The following KIF21A variants were observed in gnomAD, a reference collection of about 807,000 sequenced individuals.
KIF21A encodes the protein kinesin family member 21A.
In KIF21A, 114 loss-of-function variants were observed where a neutral mutation model predicts 202.9. The ratio of observed to expected loss-of-function variants is 0.56; its 90% confidence interval spans 0.48 to 0.66. The LOEUF is 0.66. KIF21A is among the 30% of genes least tolerant of loss of function. The pLI is 0.00. For synonymous variants in KIF21A, 667 were observed against 670.8 expected, an observed-to-expected ratio of 0.99 and a Z score of 0.09; for missense variants, 1,677 against 1,994.9, an observed-to-expected ratio of 0.84 and a Z score of 3.04.
Position 39,309,643 on chromosome 12 carries a change from G to A in KIF21A, c.4220C>T (p.Thr1407Ile). 3 of 1,612,868 alleles carry A rather than the reference G, an allele frequency of 1.9e-6. No individual in the cohort carries two copies. The highest frequency in any genetic ancestry group is 1.7e-6 in the Non-Finnish European group (2 of 1,179,478). Reference sequence around the variant, plus strand: ...GATATCCCACACCTTAATATAAGATGTTGATACAGTGAAGACCAAACTGGT... The same window carrying A: ...GATATCCCACACCTTAATATAAGATATTGATACAGTGAAGACCAAACTGGT... ...NYTSLVFTVS[T>I]SYIKVWDIRD... is the part of the protein sequence containing the mutation. Residue 1407 changes from threonine (T) to isoleucine (I), a missense_variant, in exon 33 of 38, where the codon ACA (threonine) becomes ATA (isoleucine). Coordinates refer to ENST00000361418, the MANE Select transcript of KIF21A (RefSeq NM_001173464.2).
intron 15 of KIF21A, 78 bp downstream of exon 15, chr12:39,340,828 T>C: frequency 1.9e-6 from 2 of 1,041,988 alleles, no homozygotes; most frequent in Non-Finnish European, 2.9e-6. Context: ...TTCTATTTTT[T>C]TTCTTCTAAA....
intron 1 of KIF21A, among the ~76,000 whole-genome samples, chr12:39,399,236 A>G (rs1226842272): frequency 1.3e-5 from 2 of 152,220 alleles, no homozygotes; most frequent in Non-Finnish European, 2.9e-5. Context: ...TTTATATTGT[A>G]TTTTGTATTA....
chr12:39,340,469 C>G, intron 15 of KIF21A, 105 bp from the exon 16 acceptor site: 3 of 814,450 alleles, frequency 3.7e-6, no homozygotes, highest in Non-Finnish European at 4.0e-6. Flanking sequence ...TCCCAAACAC[C>G]CACATCTCAG....
intron 1 of KIF21A, among the ~76,000 whole-genome samples, chr12:39,415,146 A>C (rs985296695): frequency 2.0e-5 from 3 of 151,246 alleles, no homozygotes; most frequent in African/African-American, 7.3e-5. Flanking sequence ...CCTTTCCTTA[A>C]GTCAGTTTTT....
intron 1 of KIF21A, among the ~76,000 whole-genome samples, chr12:39,405,549 T>C (rs1952513993): frequency 6.6e-6 from 1 of 152,170 alleles, no homozygotes; most frequent in Admixed American, 6.5e-5. Flanking sequence ...AAAACTACAG[T>C]GCAGGAAATA....
Position 39,300,686 on chromosome 12 carries a change from C to T in KIF21A, c.4931+794G>A, listed in dbSNP as rs369725046. On this transcript the variant is annotated intron_variant, in intron 37 of 37. Coordinates refer to ENST00000361418, the MANE Select transcript of KIF21A (RefSeq NM_001173464.2). The stretch of plus-strand genomic sequence containing the variant: ...TACATACACTTTCCTTTTCAAAGTA[C>T]ATATATATATGTACTATATATAATG... Among the ~76,000 whole-genome samples, 482 of 152,084 alleles carry T rather than the reference C, an allele frequency of 3.2e-3. 2 individuals carry two copies. Among genetic ancestry groups the T allele is most frequent in the Middle Eastern group, 6.8e-3 (2 of 294 alleles).
intron 1 of KIF21A, among the ~76,000 whole-genome samples, chr12:39,379,546 C>T (rs1950480265): frequency 6.6e-6 from 1 of 152,192 alleles, no homozygotes; most frequent in African/African-American, 2.4e-5. Context: ...CCATCTTCAA[C>T]TTACCCTGTA....
chr12:39,355,710 TA>T (rs1948726180), intron 10 of KIF21A, among the ~76,000 whole-genome samples: 3 of 72,200 alleles, frequency 4.2e-5, no homozygotes, highest in East Asian at 1.5e-3. Context: ...TGAACAATTA[TA>T]TATATATATA....
At chr12:39,314,900 A>G (rs1944378719) in intron 31 of KIF21A, among the ~76,000 whole-genome samples, 1 of 151,872 alleles carries the variant, frequency 6.6e-6, no homozygotes, top group Non-Finnish European at 1.5e-5. Context: ...AAAAAATCTC[A>G]ATATTAAACA....
Position 39,340,374 on chromosome 12 carries a change from C to T in KIF21A, c.2111-10G>A. The T allele has an allele frequency of 6.3e-7, 1 of 1,588,594 alleles. No individual in the cohort carries two copies. The highest frequency in any genetic ancestry group is 8.6e-7 in the Non-Finnish European group (1 of 1,162,352). On this transcript the variant is annotated splice_polypyrimidine_tract_variant and intron_variant, in intron 15 of 37. Coordinates refer to ENST00000361418, the MANE Select transcript of KIF21A (RefSeq NM_001173464.2). The stretch of plus-strand genomic sequence containing the variant: ...TAAGATTCTACCGAGCCTAAATGAC[C>T]AGAGGACATTTTTATATGTTTTTTT...
chr12:39,337,964 C>T (rs763499435), intron 16 of KIF21A, among the ~76,000 whole-genome samples: 4 of 151,932 alleles, frequency 2.6e-5, no homozygotes, highest in Non-Finnish European at 5.9e-5. Flanking sequence ...AATGACTATG[C>T]TATTGGTTTA....
At chr12:39,337,849 C>G (rs376895901) in intron 16 of KIF21A, among the ~76,000 whole-genome samples, 245 of 152,228 alleles carry the variant, frequency 1.6e-3, no homozygotes, top group African/African-American at 5.4e-3. Context: ...AAGCACTACA[C>G]CCGTTTGCAG....
At position 39,332,347 on chromosome 12, in the gene KIF21A, T is replaced by C. The variant is rs777109447; in HGVS notation, c.2918A>G (p.Lys973Arg). Reference protein sequence around the residue: ...KLSKRREKIVKENGEGDKNVA... With the variant: ...KLSKRREKIVRENGEGDKNVA... The stretch of plus-strand genomic sequence containing the variant: ...ATTTTTATCTCCCTCTCCATTCTCC[T>C]TGACTATCTTCTCCCTTCTTTTTGA... The change falls in exon 21 of 38, where the codon AAG becomes AGG. Residue 973 changes from lysine to arginine, a missense_variant. Physicochemically the swap from Lys to Arg is conservative, Grantham distance 26. This residue lies in a region of KIF21A where 966 missense variants were observed against 1,180.9 expected (regional missense o/e 0.82). Transcript: ENST00000361418. The C allele has an allele frequency of 1.9e-6, 3 of 1,614,070 alleles. No homozygotes were observed. Among genetic ancestry groups the C allele is most frequent in the Admixed American group, 3.3e-5 (2 of 60,020 alleles).
rs1946626654 is a variant in KIF21A at position 39,332,830 on chromosome 12, A to G, written c.2702+63T>C. 3 of 1,604,186 alleles carry G rather than the reference A, an allele frequency of 1.9e-6. No individual in the cohort carries two copies. In the East Asian group the frequency reaches 6.7e-5, roughly 36 times the overall value. On this transcript the variant is annotated intron_variant, in intron 19 of 37. Transcript: ENST00000361418. ...CAAATAATGAGCCATTTTTTCATTTAAGTACAACATTCAGTATTAACGGCC... is the reference window on the plus strand; with the variant it reads ...CAAATAATGAGCCATTTTTTCATTTGAGTACAACATTCAGTATTAACGGCC...
At chr12:39,325,768 C>A (rs1183103166) in intron 26 of KIF21A, 71 bp downstream of exon 26, 5 of 1,042,854 alleles carry the variant, frequency 4.8e-6, no homozygotes, top group Middle Eastern at 2.1e-4. Context: ...CAAATCTGAA[C>A]CTATGTGTTA....
chr12:39,294,488 C>T lies in KIF21A; in HGVS notation c.4961G>A (p.Arg1654His), dbSNP rs373406994. 1.1e-5 allele frequency: 18 copies of T among 1,613,594 alleles called. No homozygotes were observed. The highest frequency in any genetic ancestry group is 4.5e-5 in the East Asian group (2 of 44,854). Residue 1654 changes from arginine to histidine, a missense_variant, in exon 38 of 38, where the codon CGC (arginine) becomes CAC (histidine). Physicochemically the swap from Arg to His is conservative, Grantham distance 29 (BLOSUM62 0). Coordinates refer to ENST00000361418, the MANE Select transcript of KIF21A (RefSeq NM_001173464.2). The part of the protein sequence containing the change: ...DDRTVRIWKA[R>H]NLQDGQISDT... ...AGAGATCTGACCATCTTGCAAATTG[C>T]GAGCCTTCCAAATTCTCACAGTTCG... is the stretch of plus-strand genomic sequence containing the variant.
chr12:39,307,369 TA>T (rs964191828), intron 34 of KIF21A, among the ~76,000 whole-genome samples, 195 bp downstream of exon 34: 5 of 151,662 alleles, frequency 3.3e-5, no homozygotes, highest in African/African-American at 4.9e-5. Context: ...CAACGGAGAT[TA>T]AAAAAAAGAG....
intron 10 of KIF21A, among the ~76,000 whole-genome samples, chr12:39,354,111 A>G (rs1446023097): frequency 6.6e-6 from 1 of 152,170 alleles, no homozygotes; most frequent in African/African-American, 2.4e-5. Context: ...TTGAGAATCA[A>G]TGATAAAATG....
intron 24 of KIF21A, among the ~76,000 whole-genome samples, chr12:39,327,089 T>A (rs1592164029): frequency 6.6e-6 from 1 of 152,100 alleles, no homozygotes; most frequent in Admixed American, 6.5e-5. Context: ...TAGGTGTAGG[T>A]TTTTTTAATG....
Sources: allele counts gnomAD v4.1 joint callset (sites outside exome capture counted in the v4.1 genomes callset), GRCh38; gene constraint gnomAD v4.1.1; regional missense constraint gnomAD v4.1.1; transcripts MANE v1.5; gene names NCBI Gene and HGNC (gene_info 2026-07-23, HGNC 2026-07-21).